CLIC6: variants seen among roughly 807,000 people sequenced by gnomAD.
CLIC6 encodes the protein chloride intracellular channel protein 6.
In CLIC6, 39 loss-of-function variants were observed where a neutral mutation model predicts 49.2. The ratio of observed to expected loss-of-function variants is 0.79; its 90% CI spans 0.61 to 1.04. CLIC6 has a LOEUF of 1.04. Among genes scored for constraint, CLIC6 ranks in the 50% least tolerant of loss-of-function variants. CLIC6 has a pLI of 0.00. For missense variants in CLIC6, 988 were observed against 993.1 expected (o/e 0.99, Z 0.07); for synonymous variants, 446 against 433.4 (o/e 1.03, Z -0.36).
intron 1 of CLIC6, among the ~76,000 whole-genome samples, chr21:34,700,899 G>A (rs946003655): frequency 7.2e-6 from 1 of 139,692 alleles, no homozygotes; most frequent in Non-Finnish European, 1.5e-5. Context: ...TTTCACAAGA[G>A]GTTTGTCTGG....
chr21:34,670,165 CGTAGAAGCGGGGGTCCCGGCGGGGGACA>C lies in CLIC6; in HGVS notation c.779_806del (p.Val260AlafsTer2). Reference sequence around the variant, plus strand: ...AGGCGGGGGACCCGGCGGGGGACGGCGTAGAAGCGGGGGTCCCGGCGGGGGACAGCGTAGAAGCCGAAGGCCCGGCGGG... The same window carrying C: ...AGGCGGGGGACCCGGCGGGGGACGGCGCGTAGAAGCCGAAGGCCCGGCGGG... On this transcript the variant is annotated frameshift_variant, in exon 1 of 6. Transcript: ENST00000349499. LOFTEE classifies it high-confidence loss of function. 1 of 874,168 alleles carries C rather than the reference CGTAGAAGCGGGGGTCCCGGCGGGGGACA, an allele frequency of 1.1e-6. No individual in the cohort carries two copies. Among genetic ancestry groups the C allele is most frequent in the Non-Finnish European group, 1.5e-6 (1 of 661,718 alleles). The allele number at this position is 874,168 out of a possible 1,614,324, so 54.2% of individuals were successfully genotyped here. A position where few individuals can be genotyped will look rare whatever the true frequency, so the allele number is the denominator to read the frequency against.
rs2056098303 is a variant in CLIC6, at chr21:34,718,151, A to C, written c.*1669A>C. ...TTACTAGTGCTAACTTTGTATTCTT[A>C]GACATTAAAATGATTGACATAAACT... On this transcript the variant is annotated 3_prime_UTR_variant, in exon 6 of 6. Transcript: ENST00000349499. 1 of 152,690 alleles carries C rather than the reference A, an allele frequency of 6.5e-6. No homozygotes were observed. Among genetic ancestry groups the C allele is most frequent in the Admixed American group, 6.5e-5 (1 of 15,288 alleles). 9.5% of individuals were successfully genotyped at this position (152,690 alleles called of 1,614,324 possible).
intron 5 of CLIC6, among the ~76,000 whole-genome samples, chr21:34,710,902 C>T (rs1028712604): frequency 6.6e-6 from 1 of 152,224 alleles, no homozygotes; most frequent in Non-Finnish European, 1.5e-5. Context: ...TAAATCGGAG[C>T]TTCCAAGAGT....
rs557718009 is a variant in CLIC6 at position 34,688,406 on chromosome 21, T to TC, written c.1374+17645dup. Among the ~76,000 whole-genome samples, 661 of 152,324 alleles carry TC rather than the reference T, an allele frequency of 4.3e-3. 4 individuals are homozygous for TC. The highest frequency in any genetic ancestry group is 0.015 in the African/African-American group (630 of 41,576). On this transcript the variant is annotated intron_variant, in intron 1 of 5. Transcript: ENST00000349499. ...AAGACAAAAGACGGAGAACGACGGT[T>TC]CACCCGGGTGGTCTCCTCTGCGGCT...
In CLIC6 at chr21:34,700,394, C is replaced by T. The variant is rs543913455; in HGVS notation, c.1375-6886C>T. Among the ~76,000 whole-genome samples, 66 of 130,358 alleles carry T rather than the reference C, an allele frequency of 5.1e-4. 5 individuals are homozygous for T. Among genetic ancestry groups the T allele is most frequent in the Admixed American group, 3.7e-4 (5 of 13,454 alleles). The allele number at this position is 130,358 out of a possible 152,430, so 85.5% of individuals were successfully genotyped here. On this transcript the variant is annotated intron_variant, in intron 1 of 5. Transcript: ENST00000349499. ...CCCGGGAGGCGGAGCTTGCAGTGAG[C>T]CGAGATCGCGCCACCGCACTCCAGC...
In CLIC6 at chr21:34,669,505, A is replaced by G; in HGVS notation, c.117A>G (p.Glu39=). ...CAGGAGCCGCGGGCGGGGAGGCAGAAGGGCCGGAGGGGAGCGAGGGCGCAG... is the reference window on the plus strand; with the variant it reads ...CAGGAGCCGCGGGCGGGGAGGCAGAGGGGCCGGAGGGGAGCGAGGGCGCAG... The part of the protein sequence containing the change: ...GEPGAAGGEA[E]GPEGSEGAEE... The change falls in exon 1 of 6, where the codon GAA becomes GAG. Residue 39 remains glutamate (E), a synonymous_variant. Coordinates refer to ENST00000349499, the MANE Select transcript of CLIC6 (RefSeq NM_053277.3). The G allele has an allele frequency of 1.6e-6, 2 of 1,233,676 alleles. No homozygotes were observed. Among genetic ancestry groups the G allele is most frequent in the Non-Finnish European group, 2.0e-6 (2 of 989,578 alleles). The allele number at this position is 1,233,676 out of a possible 1,614,324, so 76.4% of individuals were successfully genotyped here.
In CLIC6 at chr21:34,709,555, G is replaced by A. The variant is rs372559724; in HGVS notation, c.1899+17G>A. On this transcript the variant is annotated intron_variant, in intron 5 of 5. Coordinates refer to ENST00000349499, the MANE Select transcript of CLIC6 (RefSeq NM_053277.3). ...ATTATTAAGGTTCATCTTCCCTCCC[G>A]ACACGTGTGCCGAGTACACGAACGG... is the stretch of plus-strand genomic sequence containing the variant. 3.1e-5 allele frequency: 50 copies of A among 1,611,272 alleles called. No individual in the cohort carries two copies. Among genetic ancestry groups the A allele is most frequent in the Admixed American group, 2.8e-4 (17 of 59,816 alleles).
At chr21:34,677,352 T>C (rs1989693055) in intron 1 of CLIC6, among the ~76,000 whole-genome samples, 1 of 152,248 alleles carries the variant, frequency 6.6e-6, no homozygotes, top group African/African-American at 2.4e-5. Flanking sequence ...AAGAGCTTGT[T>C]ATAAAGAATA....
chr21:34,672,474 G>A (rs1324811691), intron 1 of CLIC6, among the ~76,000 whole-genome samples: 1 of 152,068 alleles, frequency 6.6e-6, no homozygotes, highest in African/African-American at 2.4e-5. Context: ...TCTCCTCCTC[G>A]CCCCTGTCTG....
rs1353894785 is a variant in CLIC6 at position 34,669,927 on chromosome 21, T to C, written c.539T>C (p.Val180Ala). 7.7e-7 allele frequency: 1 copy of C among 1,296,830 alleles called. No individual in the cohort carries two copies. The highest frequency in any genetic ancestry group is 9.8e-7 in the Non-Finnish European group (1 of 1,024,632). 80.3% of individuals were successfully genotyped at this position (1,296,830 alleles called of 1,614,324 possible). A position where few individuals can be genotyped will look rare whatever the true frequency, so the allele number is the denominator to read the frequency against. Reference protein sequence around the residue: ...IEAEGPAGDSVEAEGRVGDSV... With the variant: ...IEAEGPAGDSAEAEGRVGDSV... Reference sequence around the variant, plus strand: ...GCGGAGGGCCCGGCGGGCGACAGCGTAGAGGCGGAGGGCCGGGTGGGGGAC... The same window carrying C: ...GCGGAGGGCCCGGCGGGCGACAGCGCAGAGGCGGAGGGCCGGGTGGGGGAC... Residue 180 changes from valine to alanine, a missense_variant, in exon 1 of 6, where the codon GTA (valine) becomes GCA (alanine). By Grantham distance (64) the Val-to-Ala change is moderately conservative. Transcript: ENST00000349499.
At chr21:34,670,820 A>G in intron 1 of CLIC6, 58 bp downstream of exon 1, 1 of 1,529,996 alleles carries the variant, frequency 6.5e-7, no homozygotes, top group South Asian at 1.2e-5. Flanking sequence ...GGTCTTGGTC[A>G]TCTCAGATCC....
chr21:34,694,442 G>T (rs1445709528), intron 1 of CLIC6, among the ~76,000 whole-genome samples: 1 of 152,076 alleles, frequency 6.6e-6, no homozygotes, highest in Non-Finnish European at 1.5e-5. Context: ...AAGTAGCTGA[G>T]ACCACAAGTG....
chr21:34,682,685 A>G (rs1989799358), intron 1 of CLIC6, among the ~76,000 whole-genome samples: 4 of 150,964 alleles, frequency 2.6e-5, no homozygotes, highest in Admixed American at 6.6e-5. Flanking sequence ...TGATGATGGC[A>G]CTCTTAGAAT....
chr21:34,706,724 G>A (rs1315285800), intron 1 of CLIC6, among the ~76,000 whole-genome samples: 2 of 152,174 alleles, frequency 1.3e-5, no homozygotes, highest in Non-Finnish European at 2.9e-5. Context: ...TGTGTGAGAT[G>A]CACCCACACT....
intron 3 of CLIC6, 90 bp from the exon 4 acceptor site, chr21:34,708,610 G>A (rs2834597): frequency 0.77 from 654,963 of 848,658 alleles, 253,529 homozygotes; most frequent in Middle Eastern, 0.79. Context: ...TCATTTTTAT[G>A]CCCAGAGAAA....
At chr21:34,710,915 C>A (rs545187824) in intron 5 of CLIC6, among the ~76,000 whole-genome samples, 2 of 152,326 alleles carry the variant, frequency 1.3e-5, no homozygotes, top group African/African-American at 4.8e-5. Context: ...CCAAGAGTGA[C>A]CCCTGGAGCT....
At chr21:34,712,891 CGTAACT>C (rs2056066062) in intron 5 of CLIC6, among the ~76,000 whole-genome samples, 1 of 150,398 alleles carries the variant, frequency 6.6e-6, no homozygotes, top group African/African-American at 2.4e-5. Context: ...TAACCCTAAC[CGTAACT>C]CTAACCCTAA....
chr21:34,679,303 G>A (rs1989732024), intron 1 of CLIC6, among the ~76,000 whole-genome samples: 1 of 152,210 alleles, frequency 6.6e-6, no homozygotes, highest in Admixed American at 6.5e-5. Context: ...CAGATCTGGT[G>A]AGAACTCACT....
intron 1 of CLIC6, among the ~76,000 whole-genome samples, 160 bp from the exon 2 acceptor site, chr21:34,707,120 G>A (rs2056019639): frequency 6.6e-6 from 1 of 152,114 alleles, no homozygotes; most frequent in African/African-American, 2.4e-5. Flanking sequence ...TACATCCACC[G>A]CCAACTCCAC....
Sources: allele counts gnomAD v4.1 joint callset (sites outside exome capture counted in the v4.1 genomes callset), GRCh38; gene constraint gnomAD v4.1.1; transcripts MANE v1.5; gene names NCBI Gene and HGNC (gene_info 2026-07-23, HGNC 2026-07-21).